Variants in NRXN3 observed in about 807,000 individuals in gnomAD.
NRXN3 encodes the protein neurexin III.
NRXN3 carries 32 observed loss-of-function variants against 137.6 expected under a neutral mutation model. That is an observed-to-expected ratio of 0.23 (90% CI 0.18 to 0.31). NRXN3 has a LOEUF of 0.31. NRXN3 is among the 10% of genes least tolerant of loss of function. NRXN3 has a pLI of 1.00. For synonymous variants in NRXN3, 798 were observed against 784.5 expected (o/e 1.02, Z -0.29); for missense variants, 1,574 against 2,062.5 (o/e 0.76, Z 4.59).
intron 10 of NRXN3, among the ~76,000 whole-genome samples, chr14:78,813,012 CAAAGT>C (rs2098919199): frequency 1.9e-5 from 2 of 106,720 alleles, no homozygotes; most frequent in Non-Finnish European, 3.7e-5. Context: ...TGTAGAGTCA[CAAAGT>C]AAATATAATA....
At chr14:79,738,980 A>G (rs935567848) in intron 19 of NRXN3, among the ~76,000 whole-genome samples, 3 of 152,250 alleles carry the variant, frequency 2.0e-5, no homozygotes, top group Admixed American at 1.3e-4. Flanking sequence ...AGTGGAAATA[A>G]AGGTATTTTT....
chr14:78,201,040 G>A (rs1167663322), intron 1 of NRXN3, among the ~76,000 whole-genome samples: 1 of 152,134 alleles, frequency 6.6e-6, no homozygotes, highest in Non-Finnish European at 1.5e-5. Context: ...ACACTCCATG[G>A]TTCTCAGAGA....
intron 15 of NRXN3, among the ~76,000 whole-genome samples, chr14:79,258,734 C>A (rs1018878206): frequency 6.6e-6 from 1 of 152,168 alleles, no homozygotes; most frequent in Admixed American, 6.5e-5. Flanking sequence ...GTAACAAACA[C>A]TGCCTTTCTA....
At chr14:79,301,172 T>A (rs2085075009) in intron 15 of NRXN3, among the ~76,000 whole-genome samples, 1 of 152,072 alleles carries the variant, frequency 6.6e-6, no homozygotes, top group African/African-American at 2.4e-5. Context: ...TCCTTTCCTC[T>A]CTGTAAGTTG....
At chr14:78,246,311 CTTCAGAGCAGAT>C (rs1567067885) in intron 2 of NRXN3, among the ~76,000 whole-genome samples, 1 of 152,128 alleles carries the variant, frequency 6.6e-6, no homozygotes, top group African/African-American at 2.4e-5. Context: ...AGTGGAATTT[CTTCAGAGCAGAT>C]TGTGTGCCAT....
rs1396156560 is a variant in NRXN3, at chr14:78,645,436, G to C, written c.1059+15G>C. On this transcript the variant is annotated intron_variant, in intron 5 of 20. Coordinates refer to ENST00000335750, the MANE Select transcript of NRXN3 (RefSeq NM_001330195.2). ...ACCTCCGGCAGGTAATGGCTGAGGG[G>C]AGAGAATTCCTGGAAGGCTCATCTT... 6.4e-7 allele frequency: 1 copy of C among 1,556,522 alleles called. No individual in the cohort carries two copies. The highest frequency in any genetic ancestry group is 8.6e-7 in the Non-Finnish European group (1 of 1,156,226).
intron 16 of NRXN3, among the ~76,000 whole-genome samples, chr14:79,659,567 A>G (rs1361632334): frequency 6.6e-6 from 1 of 152,148 alleles, no homozygotes; most frequent in East Asian, 1.9e-4. Flanking sequence ...AGCTCATGAC[A>G]CTACTTTCAG....
intron 1 of NRXN3, among the ~76,000 whole-genome samples, chr14:78,172,808 G>C (rs1464272369): frequency 6.6e-6 from 1 of 152,146 alleles, no homozygotes; most frequent in Non-Finnish European, 1.5e-5. Flanking sequence ...TGCTTCTTGA[G>C]AAGAGGAGGG....
chr14:79,777,205 T>C (rs947237125), intron 19 of NRXN3, among the ~76,000 whole-genome samples: 7 of 152,220 alleles, frequency 4.6e-5, no homozygotes, highest in African/African-American at 7.2e-5. Flanking sequence ...AACTATTTTG[T>C]CTCCTTCTTT....
chr14:79,707,057 C>T (rs947011698), intron 19 of NRXN3, among the ~76,000 whole-genome samples: 6 of 152,058 alleles, frequency 3.9e-5, no homozygotes, highest in African/African-American at 1.4e-4. Context: ...TGTGTGAGCA[C>T]CATTTATTCA....
intron 19 of NRXN3, among the ~76,000 whole-genome samples, chr14:79,755,757 A>G (rs914728788): frequency 5.3e-5 from 8 of 152,150 alleles, no homozygotes; most frequent in African/African-American, 1.9e-4. Flanking sequence ...TCAGATAGGA[A>G]TTGAATTCTT....
chr14:78,589,694 T>C (rs527678958), intron 4 of NRXN3, among the ~76,000 whole-genome samples: 137 of 152,306 alleles, frequency 9.0e-4, no homozygotes, highest in African/African-American at 3.1e-3. Context: ...TTATAAATCC[T>C]GGTTCTGCTC....
chr14:78,859,454 AT>A (rs1419089237), intron 10 of NRXN3, among the ~76,000 whole-genome samples: 1 of 152,086 alleles, frequency 6.6e-6, no homozygotes, highest in African/African-American at 2.4e-5. Flanking sequence ...CAGTCTGATG[AT>A]GTTGTGGAGC....
chr14:79,434,572 C>T (rs1480287587), intron 15 of NRXN3, among the ~76,000 whole-genome samples: 1 of 152,146 alleles, frequency 6.6e-6, no homozygotes, highest in Admixed American at 6.5e-5. Flanking sequence ...GGTACGATGG[C>T]GTATTCTCTT....
intron 16 of NRXN3, among the ~76,000 whole-genome samples, chr14:79,578,282 A>G (rs1352547203): frequency 1.3e-5 from 2 of 152,178 alleles, no homozygotes; most frequent in Non-Finnish European, 2.9e-5. Context: ...CCATGGGGTC[A>G]AATAACTCCT....
At chr14:79,421,950 A>G (rs117846792) in intron 15 of NRXN3, among the ~76,000 whole-genome samples, 2,021 of 152,332 alleles carry the variant, frequency 0.013, 24 homozygotes, top group Non-Finnish European at 0.02. Context: ...TTTCCTGGGC[A>G]ATACTGCTTT....
chr14:79,137,357 T>C (rs1285619813), intron 15 of NRXN3, among the ~76,000 whole-genome samples: 5 of 152,174 alleles, frequency 3.3e-5, no homozygotes, highest in Non-Finnish European at 1.5e-5. Context: ...TTTCACTGCC[T>C]CTTGAAAGCT....
At chr14:79,668,934 T>A (rs1271921166) in intron 17 of NRXN3, among the ~76,000 whole-genome samples, 3 of 152,244 alleles carry the variant, frequency 2.0e-5, no homozygotes, top group South Asian at 2.1e-4. Context: ...AAAGATTTTT[T>A]TTTTGTCCAC....
At chr14:79,121,807 T>C (rs1374997211) in intron 15 of NRXN3, among the ~76,000 whole-genome samples, 1 of 152,188 alleles carries the variant, frequency 6.6e-6, no homozygotes, top group African/African-American at 2.4e-5. Context: ...TAATATAGCA[T>C]AGAAACAGAA....
Sources: allele counts gnomAD v4.1 joint callset (sites outside exome capture counted in the v4.1 genomes callset), GRCh38; gene constraint gnomAD v4.1.1; transcripts MANE v1.5; gene names NCBI Gene and HGNC (gene_info 2026-07-23, HGNC 2026-07-21).